PRSS12: variants seen among roughly 807,000 people sequenced by gnomAD.
PRSS12 encodes the protein neurotrypsin.
PRSS12 carries 85 observed loss-of-function variants against 104.4 expected under a neutral mutation model. That is an observed-to-expected ratio of 0.81 (90% CI 0.68 to 0.98). The LOEUF is 0.98. Ranked by LOEUF, PRSS12 falls within the 50% of genes least tolerant of loss-of-function variation. PRSS12 has a pLI of 0.00. For missense variants in PRSS12, 1,141 were observed against 1,139.2 expected (o/e 1.00, Z -0.02); for synonymous variants, 454 against 425.2 (o/e 1.07, Z -0.83).
At chr4:118,302,441 G>A (rs1743424193) in intron 8 of PRSS12, among the ~76,000 whole-genome samples, 1 of 152,136 alleles carries the variant, frequency 6.6e-6, no homozygotes, top group South Asian at 2.1e-4. Context: ...TTCAGAAACT[G>A]TTTCTTAAGG....
Position 118,309,351 on chromosome 4 carries a change from G to T in PRSS12, c.1490-774C>A, listed in dbSNP as rs1743645406. ...TGGGTTGAATTGTGAGGTCATTAGG[G>T]TGAGCCCTAATCAAATACGTTGGTA... On this transcript the variant is annotated intron_variant, in intron 7 of 12. Coordinates refer to ENST00000296498, the MANE Select transcript of PRSS12 (RefSeq NM_003619.4). 2.6e-5 allele frequency among the ~76,000 whole-genome samples: 4 copies of T among 152,134 alleles called. No homozygotes were observed. In the South Asian group the frequency reaches 8.3e-4, roughly 31 times the overall value.
At chr4:118,286,872 T>A (rs944335368) in intron 11 of PRSS12, among the ~76,000 whole-genome samples, 1 of 152,136 alleles carries the variant, frequency 6.6e-6, no homozygotes, top group Non-Finnish European at 1.5e-5. Flanking sequence ...CTCCTGCCCG[T>A]ACATGCCCAG....
chr4:118,280,637 G>A lies in PRSS12; in HGVS notation c.*1299C>T, dbSNP rs754866604. 8 of 152,204 alleles carry A rather than the reference G, an allele frequency of 5.3e-5. No individual in the cohort carries two copies. Among genetic ancestry groups the A allele is most frequent in the Non-Finnish European group, 1.0e-4 (7 of 68,034 alleles). The allele number at this position is 152,204 out of a possible 1,614,324, so 9.4% of individuals were successfully genotyped here. ...TATATTTATACTACTGGGACCTGGG[G>A]AAGGATCCATGACATGGAAGTATCT... On this transcript the variant is annotated 3_prime_UTR_variant, in exon 13 of 13. Coordinates refer to ENST00000296498, the MANE Select transcript of PRSS12 (RefSeq NM_003619.4).
At chr4:118,312,498 AT>A (rs1332525846) in intron 7 of PRSS12, among the ~76,000 whole-genome samples, 1 of 152,164 alleles carries the variant, frequency 6.6e-6, no homozygotes, top group Non-Finnish European at 1.5e-5. Flanking sequence ...CTCATCAGAC[AT>A]TAAGAAATTT....
chr4:118,333,958 C>T (rs1182723259), intron 3 of PRSS12, among the ~76,000 whole-genome samples: 1 of 152,110 alleles, frequency 6.6e-6, no homozygotes, highest in Non-Finnish European at 1.5e-5. Context: ...ATTTAGATTG[C>T]TGCTATTTTT....
chr4:118,300,079 C>A (rs1000539475), intron 8 of PRSS12, among the ~76,000 whole-genome samples: 1 of 151,704 alleles, frequency 6.6e-6, no homozygotes, highest in African/African-American at 2.4e-5. Flanking sequence ...GGCGTGATCT[C>A]GGCTCACTGC....
chr4:118,284,820 A>G (rs1347533071), intron 11 of PRSS12, among the ~76,000 whole-genome samples: 1 of 152,176 alleles, frequency 6.6e-6, no homozygotes, highest in African/African-American at 2.4e-5. Context: ...GCCGGCATCT[A>G]ACTGTTAAAG....
intron 2 of PRSS12, among the ~76,000 whole-genome samples, chr4:118,337,892 T>C (rs1458095809): frequency 6.6e-6 from 1 of 152,158 alleles, no homozygotes; most frequent in Non-Finnish European, 1.5e-5. Context: ...AAGGCCTCTG[T>C]ATTTTGTTAA....
intron 1 of PRSS12, among the ~76,000 whole-genome samples, chr4:118,344,180 T>C (rs1283844335): frequency 1.3e-5 from 2 of 152,162 alleles, no homozygotes; most frequent in African/African-American, 4.8e-5. Flanking sequence ...AACCATTACA[T>C]GTTGAACAAT....
chr4:118,303,041 AAAC>A (rs1372309607), intron 8 of PRSS12, among the ~76,000 whole-genome samples: 1 of 152,194 alleles, frequency 6.6e-6, no homozygotes, highest in Admixed American at 6.5e-5. Context: ...GGTAGAAAGT[AAAC>A]AACAATATGT....
At chr4:118,290,909 T>C (rs920904146) in intron 11 of PRSS12, among the ~76,000 whole-genome samples, 3 of 152,142 alleles carry the variant, frequency 2.0e-5, no homozygotes, top group Non-Finnish European at 4.4e-5. Flanking sequence ...AGTATAAAAG[T>C]ATAAAATTAG....
In PRSS12 at chr4:118,327,349, A is replaced by T. The variant is rs569357519; in HGVS notation, c.971+4367T>A. On this transcript the variant is annotated intron_variant, in intron 4 of 12. Coordinates refer to ENST00000296498, the MANE Select transcript of PRSS12 (RefSeq NM_003619.4). The stretch of plus-strand genomic sequence containing the variant: ...TTTTTCTTGTAGAGATGGGAGTCTC[A>T]CTATGTTGCCAAGGCTGGTTTGGAA... 6.6e-5 allele frequency among the ~76,000 whole-genome samples: 10 copies of T among 151,990 alleles called. No homozygotes were observed. In the South Asian group the frequency reaches 2.1e-3, roughly 32 times the overall value.
intron 8 of PRSS12, among the ~76,000 whole-genome samples, chr4:118,304,356 A>C (rs1178950559): frequency 1.3e-5 from 2 of 152,110 alleles, no homozygotes; most frequent in South Asian, 4.1e-4. Context: ...TGGATAGCTG[A>C]ATCAAATTAC....
intron 4 of PRSS12, among the ~76,000 whole-genome samples, chr4:118,327,382 G>C (rs1226440674): frequency 2.0e-5 from 3 of 151,956 alleles, no homozygotes; most frequent in Non-Finnish European, 4.4e-5. Flanking sequence ...GAACTACTGG[G>C]CTCAAGCAGT....
chr4:118,281,933 G>C lies in PRSS12; in HGVS notation c.*3C>G. 8.4e-7 allele frequency: 1 copy of C among 1,193,378 alleles called. No homozygotes were observed. Among genetic ancestry groups the C allele is most frequent in the African/African-American group, 1.5e-5 (1 of 66,904 alleles). The allele number at this position is 1,193,378 out of a possible 1,614,324, so 73.9% of individuals were successfully genotyped here. A position where few individuals can be genotyped will look rare whatever the true frequency, so the allele number is the denominator to read the frequency against. On this transcript the variant is annotated 3_prime_UTR_variant, in exon 13 of 13. Coordinates refer to ENST00000296498, the MANE Select transcript of PRSS12 (RefSeq NM_003619.4). ...AATGCTGCTTTGAAGTTTCCATGAA[G>C]AATTACAGTTTGGTGACACTTTTTA...
At chr4:118,336,895 T>C (rs909152484) in intron 2 of PRSS12, among the ~76,000 whole-genome samples, 2 of 152,242 alleles carry the variant, frequency 1.3e-5, no homozygotes, top group African/African-American at 4.8e-5. Flanking sequence ...CACTTGCCAA[T>C]TGTCTGTTTG....
At chr4:118,286,825 G>A (rs1743026093) in intron 11 of PRSS12, among the ~76,000 whole-genome samples, 1 of 152,008 alleles carries the variant, frequency 6.6e-6, no homozygotes, top group Non-Finnish European at 1.5e-5. Context: ...TCAGACTTGG[G>A]AACCACTGAA....
rs900914829 is a variant in PRSS12, at chr4:118,323,807, T to TTA, written c.972-5253_972-5252dup. ...ATGAATAATAGTAATAACTTGTTTT[T>TTA]TATATATATATATACACACACACAC... On this transcript the variant is annotated intron_variant, in intron 4 of 12. Coordinates refer to ENST00000296498, the MANE Select transcript of PRSS12 (RefSeq NM_003619.4). Among the ~76,000 whole-genome samples, 74 of 151,316 alleles carry TTA rather than the reference T, an allele frequency of 4.9e-4. 2 individuals carry two copies. The highest frequency in any genetic ancestry group is 6.8e-4 in the African/African-American group (28 of 41,354).
At chr4:118,336,611 G>A (rs931910234) in intron 2 of PRSS12, among the ~76,000 whole-genome samples, 5 of 152,030 alleles carry the variant, frequency 3.3e-5, no homozygotes, top group African/African-American at 1.2e-4. Context: ...TAAGCAGCTG[G>A]ATCAGCTTAT....
Sources: gnomAD v4.1 joint callset for allele counts (sites outside exome capture counted in the v4.1 genomes callset) on GRCh38, gnomAD v4.1.1 for gene constraint, MANE v1.5 for transcripts, NCBI Gene and HGNC (gene_info 2026-07-23, HGNC 2026-07-21) for gene names.